Variants in RPS6KC1 observed in about 807,000 individuals in gnomAD.
RPS6KC1 encodes the protein ribosomal protein S6 kinase C1.
A neutral mutation model predicts 103.8 loss-of-function variants in RPS6KC1; 54 were observed. That is an observed-to-expected ratio of 0.52 (90% CI 0.42 to 0.65). The LOEUF (loss-of-function observed/expected upper bound fraction) is 0.65, where lower values mean the gene tolerates loss of function less well. RPS6KC1 is among the 30% of genes least tolerant of loss of function. RPS6KC1 has a pLI of 0.00. For missense variants in RPS6KC1, 1,151 were observed against 1,253.8 expected, an observed-to-expected ratio of 0.92 and a Z score of 1.24; for synonymous variants, 439 against 438.7, an observed-to-expected ratio of 1.00 and a Z score of -0.01.
the RPS6KC1 span, among the ~76,000 whole-genome samples, chr1:213,591,265 G>T: frequency 2.0e-5 from 3 of 152,128 alleles, no homozygotes; most frequent in Non-Finnish European, 4.4e-5. Flanking sequence ...CCTCCTGAAG[G>T]CCAGGGTCAA....
chr1:213,362,057 C>G, the RPS6KC1 span, among the ~76,000 whole-genome samples: 1 of 152,168 alleles, frequency 6.6e-6, no homozygotes. Context: ...CCTTCACCTG[C>G]GGCTTGCTGT....
At chr1:213,515,354 C>T in the RPS6KC1 span, among the ~76,000 whole-genome samples, 41 of 152,196 alleles carry the variant, frequency 2.7e-4, no homozygotes, top group Admixed American at 5.2e-4. Context: ...AGGGTTTTTA[C>T]GTTGTTAGGT....
chr1:213,458,377 C>G, the RPS6KC1 span, among the ~76,000 whole-genome samples: 11 of 150,726 alleles, frequency 7.3e-5, no homozygotes, highest in African/African-American at 7.4e-5. Context: ...AAACGTAACA[C>G]TTTTTTTTTA....
At chr1:213,205,158 C>A (rs2093300391) in intron 8 of RPS6KC1, 1 of 662,074 alleles carries the variant, frequency 1.5e-6, no homozygotes, top group Non-Finnish European at 1.9e-6. Context: ...AAATTTTTAC[C>A]TGTCTGTTTG....
chr1:213,615,921 A>G, the RPS6KC1 span, among the ~76,000 whole-genome samples: 1 of 152,160 alleles, frequency 6.6e-6, no homozygotes, highest in African/African-American at 2.4e-5. Context: ...GTTCTGGGGG[A>G]GGGGTAGGTA....
intron 13 of RPS6KC1, 137 bp from the exon 14 acceptor site, chr1:213,262,584 A>T: frequency 4.6e-6 from 3 of 649,816 alleles, no homozygotes. Flanking sequence ...TAAACTGCTT[A>T]GGCGGCACTG....
chr1:213,511,597 G>T, the RPS6KC1 span, among the ~76,000 whole-genome samples: 2 of 152,130 alleles, frequency 1.3e-5, no homozygotes, highest in Non-Finnish European at 2.9e-5. Flanking sequence ...TCACAATAAG[G>T]CCGGTATAAT....
chr1:213,738,773 T>C, the RPS6KC1 span, among the ~76,000 whole-genome samples: 1 of 151,632 alleles, frequency 6.6e-6, no homozygotes, highest in Non-Finnish European at 1.5e-5. Flanking sequence ...GGTGGGTGGA[T>C]CACTTGAGGT....
At chr1:213,458,138 C>T in the RPS6KC1 span, among the ~76,000 whole-genome samples, 1 of 152,090 alleles carries the variant, frequency 6.6e-6, no homozygotes, top group Admixed American at 6.6e-5. Context: ...GTTTTTCAGC[C>T]CTTGGCCCCA....
At chr1:213,634,468 C>T in the RPS6KC1 span, among the ~76,000 whole-genome samples, 2 of 152,158 alleles carry the variant, frequency 1.3e-5, no homozygotes, top group African/African-American at 4.8e-5. Context: ...ACAATCTGCT[C>T]CTGAATGACT....
the RPS6KC1 span, among the ~76,000 whole-genome samples, chr1:213,616,842 C>T: frequency 0.033 from 5,066 of 152,168 alleles, 118 homozygotes; most frequent in Non-Finnish European, 0.049. Context: ...GAGCCCCTGA[C>T]CCAGAAGGGC....
At chr1:213,153,345 A>AGGCATT (rs1209276474) in intron 6 of RPS6KC1, among the ~76,000 whole-genome samples, 79 of 152,148 alleles carry the variant, frequency 5.2e-4, no homozygotes, top group African/African-American at 1.8e-3. Flanking sequence ...GCAGAGGCAG[A>AGGCATT]GGCATTATAT....
At chr1:213,340,226 C>T in the RPS6KC1 span, among the ~76,000 whole-genome samples, 2 of 152,164 alleles carry the variant, frequency 1.3e-5, no homozygotes, top group Non-Finnish European at 2.9e-5. Flanking sequence ...GCTTCTCTCA[C>T]CTCCATGTAG....
At chr1:213,544,305 G>C in the RPS6KC1 span, among the ~76,000 whole-genome samples, 1 of 152,122 alleles carries the variant, frequency 6.6e-6, no homozygotes, top group African/African-American at 2.4e-5. Flanking sequence ...TGAGGTCAAG[G>C]ATAGAGTAAG....
intron 1 of RPS6KC1, among the ~76,000 whole-genome samples, chr1:213,052,707 A>C (rs1258471110): frequency 6.6e-6 from 1 of 151,862 alleles, no homozygotes; most frequent in Non-Finnish European, 1.5e-5. Context: ...TGCCCTGATA[A>C]TTTTTTGTAT....
the RPS6KC1 span, among the ~76,000 whole-genome samples, chr1:213,816,195 G>C: frequency 3.3e-5 from 5 of 152,232 alleles, no homozygotes; most frequent in African/African-American, 1.2e-4. Context: ...TAATAATAAG[G>C]TGTGAAATAT....
At chr1:213,764,114 C>T in the RPS6KC1 span, among the ~76,000 whole-genome samples, 7 of 152,312 alleles carry the variant, frequency 4.6e-5, no homozygotes, top group South Asian at 1.5e-3. Flanking sequence ...TATTTGTCGA[C>T]TGGAAATAAA....
At chr1:213,477,594 TTCTTTA>T in the RPS6KC1 span, among the ~76,000 whole-genome samples, 35 of 152,216 alleles carry the variant, frequency 2.3e-4, no homozygotes, top group Non-Finnish European at 4.1e-4. Context: ...TGATATGTTT[TTCTTTA>T]AAACATTTTA....
chr1:213,385,848 C>T, the RPS6KC1 span, among the ~76,000 whole-genome samples: 1 of 152,164 alleles, frequency 6.6e-6, no homozygotes, highest in African/African-American at 2.4e-5. Context: ...GTGCTGAGCT[C>T]GACTGGTGGC....
Sources: gnomAD v4.1 joint callset for allele counts (sites outside exome capture counted in the v4.1 genomes callset) on GRCh38, gnomAD v4.1.1 for gene constraint, MANE v1.5 for transcripts, NCBI Gene and HGNC (gene_info 2026-07-23, HGNC 2026-07-21) for gene names.